Variants in MAF observed in about 807,000 individuals in gnomAD.
The protein encoded by MAF is MAF bZIP transcription factor.
MAF carries 10 observed loss-of-function variants against 22.0 expected under a neutral mutation model. The ratio of observed to expected loss-of-function variants is 0.45; its 90% CI spans 0.28 to 0.77. The LOEUF (loss-of-function observed/expected upper bound fraction) is 0.77, where lower values mean the gene tolerates loss of function less well. Among genes scored for constraint, MAF ranks in the 30% least tolerant of loss-of-function variants. The pLI is 0.12. For synonymous variants in MAF, 337 were observed against 255.8 expected, an observed-to-expected ratio of 1.32 and a Z score of -3.03; for missense variants, 544 against 548.4, an observed-to-expected ratio of 0.99 and a Z score of 0.08.
At chr16:79,299,479 G>A in the MAF span, among the ~76,000 whole-genome samples, 2 of 152,236 alleles carry the variant, frequency 1.3e-5, no homozygotes, top group Admixed American at 1.3e-4. Context: ...CGCAAACTGT[G>A]CAGACAAGCG....
the MAF span, among the ~76,000 whole-genome samples, chr16:79,493,907 GTT>G: frequency 7.1e-6 from 1 of 141,080 alleles, no homozygotes. Flanking sequence ...CATGGAACTG[GTT>G]TTTTTTTTTT....
the MAF span, among the ~76,000 whole-genome samples, chr16:79,309,461 C>G: frequency 7.9e-5 from 12 of 152,190 alleles, no homozygotes; most frequent in Admixed American, 6.5e-4. Flanking sequence ...TGAGAACTTA[C>G]GTTTTCATAT....
the MAF span, among the ~76,000 whole-genome samples, chr16:79,549,522 G>A: frequency 2.0e-5 from 3 of 152,206 alleles, no homozygotes; most frequent in African/African-American, 7.2e-5. Context: ...GTTTCAGCAA[G>A]AGACTGAACT....
At chr16:79,334,286 T>A in the MAF span, among the ~76,000 whole-genome samples, 2 of 152,068 alleles carry the variant, frequency 1.3e-5, no homozygotes, top group East Asian at 3.9e-4. Context: ...GGCTGCTGAG[T>A]CATGCAAAAA....
chr16:79,235,875 C>A, the MAF span, among the ~76,000 whole-genome samples: 6 of 152,032 alleles, frequency 3.9e-5, no homozygotes, highest in Non-Finnish European at 1.5e-5. Context: ...AATTCAGAAG[C>A]AAGAGGAAGA....
chr16:79,484,068 C>G, the MAF span, among the ~76,000 whole-genome samples: 1 of 152,236 alleles, frequency 6.6e-6, no homozygotes, highest in Non-Finnish European at 1.5e-5. Context: ...CCTTTGAGAG[C>G]TTCCTCCCAT....
the MAF span, among the ~76,000 whole-genome samples, chr16:79,361,403 T>G: frequency 1.3e-5 from 2 of 152,240 alleles, no homozygotes; most frequent in Non-Finnish European, 2.9e-5. Context: ...CTCAATAATG[T>G]ATCATTTCCT....
the MAF span, among the ~76,000 whole-genome samples, chr16:79,342,582 CTGTCACCATCACCATCATCATCAT>C: frequency 6.6e-6 from 1 of 152,028 alleles, no homozygotes; most frequent in Admixed American, 6.6e-5. Context: ...ATCACCATCA[CTGTCACCATCACCATCATCATCAT>C]TGTCACCATC....
the MAF span, among the ~76,000 whole-genome samples, chr16:79,326,829 C>A: frequency 6.6e-6 from 1 of 152,168 alleles, no homozygotes; most frequent in East Asian, 1.9e-4. Context: ...CAAATATCAC[C>A]AGTAATTCTT....
chr16:79,545,771 T>A, the MAF span, among the ~76,000 whole-genome samples: 1 of 152,090 alleles, frequency 6.6e-6, no homozygotes, highest in Non-Finnish European at 1.5e-5. Flanking sequence ...GAGATGTTTT[T>A]CAAAGGACAT....
chr16:79,381,239 G>C, the MAF span, among the ~76,000 whole-genome samples: 3 of 152,164 alleles, frequency 2.0e-5, no homozygotes, highest in African/African-American at 4.8e-5. Context: ...TTACCAAACC[G>C]ATATTTCCTG....
the MAF span, among the ~76,000 whole-genome samples, chr16:79,514,251 G>A: frequency 5.9e-5 from 9 of 152,194 alleles, no homozygotes; most frequent in Non-Finnish European, 1.2e-4. Flanking sequence ...CCTTGAACGC[G>A]CAGCTTGTCA....
chr16:79,298,316 C>T, the MAF span, among the ~76,000 whole-genome samples: 1 of 152,256 alleles, frequency 6.6e-6, no homozygotes, highest in East Asian at 1.9e-4. Context: ...GGTGTGTTTG[C>T]TCTGCTCCTG....
the MAF span, among the ~76,000 whole-genome samples, chr16:79,399,133 A>C: frequency 6.6e-6 from 1 of 152,230 alleles, no homozygotes; most frequent in Non-Finnish European, 1.5e-5. Flanking sequence ...TGGAATGGAC[A>C]GACCTGCCAT....
chr16:79,455,608 C>T, the MAF span, among the ~76,000 whole-genome samples: 1 of 152,124 alleles, frequency 6.6e-6, no homozygotes, highest in African/African-American at 2.4e-5. Context: ...CTTAATGGGG[C>T]GGTTTTTATT....
the MAF span, among the ~76,000 whole-genome samples, chr16:79,405,656 A>C: frequency 1.3e-5 from 2 of 152,310 alleles, no homozygotes; most frequent in Admixed American, 1.3e-4. Context: ...CTGAAGAAAG[A>C]CTTCGAATGT....
chr16:79,344,515 G>C, the MAF span, among the ~76,000 whole-genome samples: 1 of 152,172 alleles, frequency 6.6e-6, no homozygotes, highest in African/African-American at 2.4e-5. Context: ...CCAGGACATA[G>C]GTTTAAAGAT....
At chr16:79,396,651 A>T in the MAF span, among the ~76,000 whole-genome samples, 9 of 152,182 alleles carry the variant, frequency 5.9e-5, no homozygotes, top group African/African-American at 1.9e-4. Flanking sequence ...TACTTCCTTC[A>T]TAAGGGGCAG....
chr16:79,585,102 A>C (rs944279123), downstream of MAF, among the ~76,000 whole-genome samples: 1 of 152,246 alleles, frequency 6.6e-6, no homozygotes, highest in African/African-American at 2.4e-5. Context: ...ATAAGAGGTG[A>C]TAAGAATACA....
Sources: gnomAD v4.1 joint callset for allele counts (sites outside exome capture counted in the v4.1 genomes callset) on GRCh38, gnomAD v4.1.1 for gene constraint, MANE v1.5 for transcripts, NCBI Gene and HGNC (gene_info 2026-07-23, HGNC 2026-07-21) for gene names.